Variants in UNC5B observed in about 807,000 individuals in gnomAD.
UNC5B encodes the protein netrin receptor UNC5B.
In UNC5B, 56 loss-of-function variants were observed where a neutral mutation model predicts 103.7. That is an observed-to-expected ratio of 0.54 (90% CI 0.44 to 0.67). The LOEUF (loss-of-function observed/expected upper bound fraction) is 0.67, where lower values mean the gene tolerates loss of function less well. UNC5B is among the 30% of genes least tolerant of loss of function. The probability of loss-of-function intolerance (pLI) is 0.00; values close to 1 mark genes in which losing one functional copy is unlikely to be tolerated. For missense variants in UNC5B, 1,194 were observed against 1,284.5 expected (o/e 0.93, Z 1.08); for synonymous variants, 577 against 542.0 (o/e 1.06, Z -0.90).
At position 71,213,635 on chromosome 10, in the gene UNC5B, A is replaced by G. The variant is rs918220376; in HGVS notation, c.79+571A>G. Among the ~76,000 whole-genome samples the G allele has an allele frequency of 6.6e-6, 1 of 151,736 alleles. No homozygotes were observed. Among genetic ancestry groups the G allele is most frequent in the African/African-American group, 2.4e-5 (1 of 41,246 alleles). ...GCGGGGAGGGCTAAGTCTTGCACAC[A>G]TAGCTTTCCCCGAGATCGCTGGGCC... On this transcript the variant is annotated intron_variant, in intron 1 of 16. Transcript: ENST00000335350. This position sits in a 1 kb window ranked among gnomAD's most constrained non-coding sequence, Gnocchi z 4.1.
chr10:71,229,536 C>A (rs1236112219), intron 1 of UNC5B, among the ~76,000 whole-genome samples: 2 of 152,164 alleles, frequency 1.3e-5, no homozygotes, highest in Non-Finnish European at 2.9e-5. Context: ...GGAAAGGGGT[C>A]GCTGGAAGCG....
At chr10:71,220,363 T>C (rs762118379) in intron 1 of UNC5B, among the ~76,000 whole-genome samples, 1 of 152,124 alleles carries the variant, frequency 6.6e-6, no homozygotes, top group Non-Finnish European at 1.5e-5. Flanking sequence ...AGGGGAAGGA[T>C]GGAATCTGCC....
chr10:71,281,434 A>G (rs1483878618), intron 2 of UNC5B, among the ~76,000 whole-genome samples: 1 of 151,422 alleles, frequency 6.6e-6, no homozygotes, highest in East Asian at 1.9e-4. Context: ...TCCGCCTCCC[A>G]GATTCAAGCA....
rs1554812082 is a variant in UNC5B at position 71,302,245 on chromosome 10, TTC to T, written c.*2979_*2980del. ...GGTTGCAGGGCCCTTACGCAGGTAT[TTC>T]TCTCTCTCTCCTCTCTGGGGTGCGT... On this transcript the variant is annotated 3_prime_UTR_variant, in exon 17 of 17. Coordinates refer to ENST00000335350, the MANE Select transcript of UNC5B (RefSeq NM_170744.5). 2.0e-5 allele frequency: 3 copies of T among 151,806 alleles called. No homozygotes were observed. Among genetic ancestry groups the T allele is most frequent in the Non-Finnish European group, 2.9e-5 (2 of 68,046 alleles). The allele number at this position is 151,806 out of a possible 1,614,324, so 9.4% of individuals were successfully genotyped here. A position where few individuals can be genotyped will look rare whatever the true frequency, so the allele number is the denominator to read the frequency against.
intron 1 of UNC5B, among the ~76,000 whole-genome samples, chr10:71,273,619 G>A (rs945969855): frequency 6.6e-6 from 1 of 152,178 alleles, no homozygotes; most frequent in African/African-American, 2.4e-5. Flanking sequence ...ACAAGCTTGT[G>A]TCTCCACAGC....
In UNC5B at chr10:71,264,804, G is replaced by A. The variant is rs1589176186; in HGVS notation, c.80-15017G>A. ...GAGCACTCCAGGTGGTCCTGGTGCA[G>A]GCCATGGTTTGAGTACCACTGGCAC... On this transcript the variant is annotated intron_variant, in intron 1 of 16. Coordinates refer to ENST00000335350, the MANE Select transcript of UNC5B (RefSeq NM_170744.5). 2.6e-5 allele frequency among the ~76,000 whole-genome samples: 4 copies of A among 152,130 alleles called. 2 individuals carry two copies. The highest frequency in any genetic ancestry group is 2.6e-4 in the Admixed American group (4 of 15,274).
intron 1 of UNC5B, among the ~76,000 whole-genome samples, chr10:71,256,771 C>G (rs1377172445): frequency 6.6e-6 from 1 of 152,244 alleles, no homozygotes; most frequent in Non-Finnish European, 1.5e-5. Context: ...AACATCCAAG[C>G]TTCTCACCTA....
intron 2 of UNC5B, among the ~76,000 whole-genome samples, chr10:71,283,062 G>A (rs1844971545): frequency 6.6e-6 from 1 of 152,228 alleles, no homozygotes; most frequent in East Asian, 1.9e-4. Flanking sequence ...GGAGGTTGCA[G>A]TGAGCCGAGA....
At chr10:71,224,989 G>C (rs1332078981) in intron 1 of UNC5B, among the ~76,000 whole-genome samples, 1 of 152,204 alleles carries the variant, frequency 6.6e-6, no homozygotes, top group Middle Eastern at 3.2e-3. Flanking sequence ...GGGTGACTTG[G>C]TAATCGTCTG....
intron 4 of UNC5B, 31 bp from the exon 5 acceptor site, chr10:71,286,658 C>T: frequency 6.2e-7 from 1 of 1,612,432 alleles, no homozygotes; most frequent in Non-Finnish European, 8.5e-7. Flanking sequence ...TGTCCTGGGC[C>T]CTCACTGCCC....
Position 71,280,043 on chromosome 10 carries a change from C to G in UNC5B, c.302C>G (p.Thr101Ser), listed in dbSNP as rs1377286703. The G allele has an allele frequency of 1.2e-6, 2 of 1,613,340 alleles. No homozygotes were observed. The highest frequency in any genetic ancestry group is 2.7e-5 in the African/African-American group (2 of 74,942). ...ACACAGGAAGGCCTGGATGAGGCCA[C>G]CGGTGAGCCCGCCCCACTTGCCTGG... is the stretch of plus-strand genomic sequence containing the variant. ...HVTQEGLDEA[T>S]GLRVREVQIE... is the part of the protein sequence containing the mutation. The change falls in exon 2 of 17, where the codon ACC becomes AGC. Residue 101 changes from threonine to serine, a missense_variant and splice_region_variant. Coordinates refer to ENST00000335350, the MANE Select transcript of UNC5B (RefSeq NM_170744.5).
chr10:71,229,815 T>C (rs1240376400), intron 1 of UNC5B, among the ~76,000 whole-genome samples: 1 of 152,172 alleles, frequency 6.6e-6, no homozygotes, highest in African/African-American at 2.4e-5. Flanking sequence ...GAGGGCCCCG[T>C]GTCCCTTGGC....
At chr10:71,287,080 C>G (rs1437272740) in intron 5 of UNC5B, among the ~76,000 whole-genome samples, 1 of 152,230 alleles carries the variant, frequency 6.6e-6, no homozygotes, top group Non-Finnish European at 1.5e-5. Context: ...AGATGCCTTG[C>G]CTAACTCTGA....
chr10:71,290,889 C>T (rs1845230729), intron 8 of UNC5B, 26 bp from the exon 9 acceptor site: 4 of 1,597,854 alleles, frequency 2.5e-6, no homozygotes, highest in Non-Finnish European at 3.4e-6. Context: ...TCTGCTGCCC[C>T]TTATGTGGTC....
chr10:71,298,140 T>C lies in UNC5B; in HGVS notation c.2672+50T>C, dbSNP rs1245087030. 1.9e-6 allele frequency: 3 copies of C among 1,539,118 alleles called. No individual in the cohort carries two copies. The South Asian group carries it at 3.8e-5, about 19-fold the overall frequency. On this transcript the variant is annotated intron_variant, in intron 16 of 16. Coordinates refer to ENST00000335350, the MANE Select transcript of UNC5B (RefSeq NM_170744.5). ...TCCCCATCTGCCTTCGTCCTCAAGG[T>C]CTCACAGGGGCAGGCAGGGCAGGCA...
In UNC5B at chr10:71,296,563, C is replaced by A; in HGVS notation, c.2326-15C>A. The A allele has an allele frequency of 1.2e-6, 2 of 1,612,928 alleles. No individual in the cohort carries two copies. Among genetic ancestry groups the A allele is most frequent in the East Asian group, 2.2e-5 (1 of 44,860 alleles). On this transcript the variant is annotated splice_polypyrimidine_tract_variant and intron_variant, in intron 14 of 16. Coordinates refer to ENST00000335350, the MANE Select transcript of UNC5B (RefSeq NM_170744.5). Reference sequence around the variant, plus strand: ...CTGGCCTTGCCTGCCTGGTCCTGACCCCCTCCTCCTGCAGGAGATCCCCTT... The same window carrying A: ...CTGGCCTTGCCTGCCTGGTCCTGACACCCTCCTCCTGCAGGAGATCCCCTT...
At chr10:71,262,412 T>A (rs1271771556) in intron 1 of UNC5B, among the ~76,000 whole-genome samples, 2 of 151,654 alleles carry the variant, frequency 1.3e-5, no homozygotes, top group Non-Finnish European at 2.9e-5. Flanking sequence ...GTGGGGGGGC[T>A]GTCCTGGGCT....
At chr10:71,267,405 A>AT (rs1554864943) in intron 1 of UNC5B, among the ~76,000 whole-genome samples, 1 of 152,202 alleles carries the variant, frequency 6.6e-6, no homozygotes, top group Non-Finnish European at 1.5e-5. Context: ...AAGTGAGCTG[A>AT]TTCCTTGGCC....
At chr10:71,289,235 A>T (rs1297458032) in intron 8 of UNC5B, among the ~76,000 whole-genome samples, 1 of 152,264 alleles carries the variant, frequency 6.6e-6, no homozygotes, top group African/African-American at 2.4e-5. Context: ...TAAGAGGGGA[A>T]ACTGAGTCAC....
Sources: gnomAD v4.1 joint callset for allele counts (sites outside exome capture counted in the v4.1 genomes callset) on GRCh38, gnomAD v4.1.1 for gene constraint, Gnocchi (gnomAD v3.1) non-coding constraint, MANE v1.5 for transcripts, NCBI Gene and HGNC (gene_info 2026-07-23, HGNC 2026-07-21) for gene names.